Variants in GSK3B observed in about 807,000 individuals in gnomAD.
GSK3B encodes the protein glycogen synthase kinase-3 beta.
In GSK3B, 15 loss-of-function variants were observed where a neutral mutation model predicts 56.4. The ratio of observed to expected loss-of-function variants is 0.27; its 90% CI spans 0.18 to 0.41. The LOEUF is 0.41. GSK3B is among the 10% of genes least tolerant of loss of function. GSK3B has a pLI of 1.00. For synonymous variants in GSK3B, 181 were observed against 188.9 expected (o/e 0.96, Z 0.34); for missense variants, 300 against 513.4 (o/e 0.58, Z 4.02).
chr3:119,843,211 A>G, intron 10 of GSK3B, 44 bp downstream of exon 10: 1 of 1,281,818 alleles, frequency 7.8e-7, no homozygotes, highest in Non-Finnish European at 1.1e-6. Flanking sequence ...CATCATGCCC[A>G]GCCCAGAATA....
At chr3:119,890,089 TG>T (rs2056485249) in intron 7 of GSK3B, among the ~76,000 whole-genome samples, 1 of 152,132 alleles carries the variant, frequency 6.6e-6, no homozygotes, top group South Asian at 2.1e-4. Flanking sequence ...GAAAATAGTT[TG>T]GTAACCATAC....
At chr3:120,090,413 T>C (rs1046354642) in intron 1 of GSK3B, among the ~76,000 whole-genome samples, 4 of 152,202 alleles carry the variant, frequency 2.6e-5, no homozygotes, top group African/African-American at 9.7e-5. Flanking sequence ...AGGGAACTTA[T>C]TGTATATTAA....
At chr3:119,972,668 C>T (rs1440026981) in intron 2 of GSK3B, among the ~76,000 whole-genome samples, 1 of 152,134 alleles carries the variant, frequency 6.6e-6, no homozygotes, top group African/African-American at 2.4e-5. Flanking sequence ...ATCTCCTGAC[C>T]TCGTGATCCA....
At chr3:120,031,566 A>C (rs138720318) in intron 1 of GSK3B, among the ~76,000 whole-genome samples, 206 of 152,326 alleles carry the variant, frequency 1.4e-3, no homozygotes, top group Non-Finnish European at 2.2e-3. Flanking sequence ...ACAAGGAAGT[A>C]GAGGGACAGA....
chr3:119,893,093 T>C (rs1301844168), intron 7 of GSK3B, among the ~76,000 whole-genome samples: 4 of 152,018 alleles, frequency 2.6e-5, no homozygotes, highest in Non-Finnish European at 5.9e-5. Flanking sequence ...CTGCAACCTC[T>C]ACCTCCCAGG....
chr3:120,039,494 T>TAA (rs373586232), intron 1 of GSK3B, among the ~76,000 whole-genome samples: 1 of 148,628 alleles, frequency 6.7e-6, no homozygotes, highest in South Asian at 2.1e-4. Flanking sequence ...CTAGTTACTG[T>TAA]AAAAAAAAAA....
At chr3:120,071,492 C>T (rs2058326098) in intron 1 of GSK3B, among the ~76,000 whole-genome samples, 1 of 152,196 alleles carries the variant, frequency 6.6e-6, no homozygotes, top group African/African-American at 2.4e-5. Flanking sequence ...CTGAGCTCTG[C>T]CGCCTGTAAG....
At chr3:120,001,395 A>G (rs548808318) in intron 2 of GSK3B, among the ~76,000 whole-genome samples, 1 of 152,130 alleles carries the variant, frequency 6.6e-6, no homozygotes, top group South Asian at 2.1e-4. Flanking sequence ...TAATAATAAT[A>G]ATAAAGTCTG....
chr3:120,089,226 C>A (rs1348723608), intron 1 of GSK3B, among the ~76,000 whole-genome samples: 3 of 152,152 alleles, frequency 2.0e-5, no homozygotes, highest in African/African-American at 7.2e-5. Flanking sequence ...GAAGTTTTTC[C>A]TTTTGCCTGT....
intron 1 of GSK3B, among the ~76,000 whole-genome samples, chr3:120,045,162 G>T (rs1409451554): frequency 6.6e-6 from 1 of 152,062 alleles, no homozygotes; most frequent in Admixed American, 6.5e-5. Flanking sequence ...CCTTTTAAAG[G>T]ATCAAGTCGG....
intron 1 of GSK3B, among the ~76,000 whole-genome samples, chr3:120,025,155 T>C (rs1012067575): frequency 3.3e-5 from 5 of 152,054 alleles, no homozygotes; most frequent in African/African-American, 4.8e-5. Context: ...CACCAGTAGT[T>C]TGAGACCAGC....
chr3:119,863,353 A>G (rs2056133559), intron 9 of GSK3B, 66 bp downstream of exon 9: 1 of 1,246,512 alleles, frequency 8.0e-7, no homozygotes, highest in African/African-American at 1.5e-5. Context: ...AATTAATAGA[A>G]TGTCATTTCA....
At chr3:119,939,795 C>T (rs927167548) in intron 3 of GSK3B, among the ~76,000 whole-genome samples, 7 of 152,132 alleles carry the variant, frequency 4.6e-5, no homozygotes, top group Admixed American at 3.9e-4. Flanking sequence ...TAAGGGGAGT[C>T]GTAAATTCTA....
At chr3:119,970,639 T>TAAA (rs2057356984) in intron 2 of GSK3B, among the ~76,000 whole-genome samples, 1 of 137,038 alleles carries the variant, frequency 7.3e-6, no homozygotes, top group African/African-American at 2.8e-5. Context: ...AAAAAAAAAT[T>TAAA]AGCCGGGCAT....
chr3:119,887,567 A>C (rs1246546974), intron 7 of GSK3B, among the ~76,000 whole-genome samples: 2 of 152,086 alleles, frequency 1.3e-5, no homozygotes, highest in African/African-American at 4.8e-5. Context: ...TCACTGAATT[A>C]AAAAAATAGC....
At position 119,992,274 on chromosome 3, in the gene GSK3B, C is replaced by T. The variant is rs533448278; in HGVS notation, c.282+9772G>A. Among the ~76,000 whole-genome samples, 9 of 152,112 alleles carry T rather than the reference C, an allele frequency of 5.9e-5. No homozygotes were observed. In the East Asian group the frequency reaches 1.7e-3, roughly 29 times the overall value. On this transcript the variant is annotated intron_variant, in intron 2 of 10. Coordinates refer to ENST00000264235, the MANE Select transcript of GSK3B (RefSeq NM_001146156.2). Reference sequence around the variant, plus strand: ...TAGTGACACATGAATATGCAAACAGCTTAGTGGAATAAAATGGAAAGTCCA... The same window carrying T: ...TAGTGACACATGAATATGCAAACAGTTTAGTGGAATAAAATGGAAAGTCCA...
chr3:120,029,075 G>C, intron 1 of GSK3B: 1 of 764,516 alleles, frequency 1.3e-6, no homozygotes, highest in Admixed American at 2.2e-5. Flanking sequence ...TGTGCATTTG[G>C]ATCAGCTACT....
At chr3:119,840,272 T>C (rs985979766) in intron 10 of GSK3B, among the ~76,000 whole-genome samples, 2 of 151,646 alleles carry the variant, frequency 1.3e-5, no homozygotes, top group African/African-American at 4.8e-5. Context: ...TTGCCCAGGC[T>C]GGAGTGCAAT....
intron 2 of GSK3B, among the ~76,000 whole-genome samples, chr3:119,957,493 G>A (rs1046468888): frequency 2.6e-5 from 4 of 152,234 alleles, no homozygotes; most frequent in African/African-American, 4.8e-5. Flanking sequence ...CTTAGTTTTC[G>A]GAAGCCCTAG....
Sources: gnomAD v4.1 joint callset for allele counts (sites outside exome capture counted in the v4.1 genomes callset) on GRCh38, gnomAD v4.1.1 for gene constraint, MANE v1.5 for transcripts, NCBI Gene and HGNC (gene_info 2026-07-23, HGNC 2026-07-21) for gene names.